CPLANE1: variants seen among roughly 807,000 people sequenced by gnomAD.
CPLANE1 encodes the protein ciliogenesis and planar polarity effector complex subunit 1, also known as ciliogenesis and planar polarity effector 1.
Under a neutral mutation model 362.5 loss-of-function variants are expected in CPLANE1, and 263 were observed. The observed-to-expected ratio is 0.73, with a 90% CI of 0.66 to 0.80. CPLANE1 has a LOEUF of 0.80. Among genes scored for constraint, CPLANE1 ranks in the 30% least tolerant of loss-of-function variants. CPLANE1 has a pLI of 0.00. For synonymous variants in CPLANE1, 1,212 were observed against 1,302.6 expected (o/e 0.93, Z 1.50); for missense variants, 3,461 against 3,793.4 (o/e 0.91, Z 2.30).
the CPLANE1 span, among the ~76,000 whole-genome samples, chr5:37,086,916 G>A: frequency 3.3e-5 from 5 of 152,162 alleles, no homozygotes; most frequent in African/African-American, 7.2e-5. Context: ...GAAGCATGAC[G>A]GACCCCTTGA....
intron 25 of CPLANE1, among the ~76,000 whole-genome samples, 177 bp downstream of exon 25, chr5:37,184,611 T>C (rs984458989): frequency 3.9e-5 from 6 of 152,108 alleles, no homozygotes; most frequent in African/African-American, 1.4e-4. Flanking sequence ...TTTTCGAATG[T>C]ATAGTCTCAT....
intron 34 of CPLANE1, 21 bp from the exon 35 acceptor site, chr5:37,167,234 A>G (rs1778493421): frequency 7.6e-6 from 12 of 1,580,238 alleles, no homozygotes; most frequent in Non-Finnish European, 1.0e-5. Flanking sequence ...GAAACAAAGC[A>G]TAAGAATGAC....
At position 37,170,136 on chromosome 5, in the gene CPLANE1, A is replaced by G. The variant is rs1358431040; in HGVS notation, c.6367T>C (p.Ser2123Pro). The G allele has an allele frequency of 6.2e-7, 1 of 1,613,990 alleles. No homozygotes were observed. Among genetic ancestry groups the G allele is most frequent in the East Asian group, 2.2e-5 (1 of 44,904 alleles). ...GGCTCTCTGGCGTTCTCTCCCATTGACTGTGGTTTAATAAAAAATCTCTCC... is the reference window on the plus strand; with the variant it reads ...GGCTCTCTGGCGTTCTCTCCCATTGGCTGTGGTTTAATAAAAAATCTCTCC... ...LKERFFIKPQ[S>P]MGENAREPRK... Residue 2123 changes from serine (S) to proline (P), a missense_variant, in exon 33 of 53, where the codon TCA (serine) becomes CCA (proline). Ser to Pro is a moderately conservative substitution (Grantham distance 74, BLOSUM62 -1). Coordinates refer to ENST00000651892, the MANE Select transcript of CPLANE1 (RefSeq NM_001384732.1).
rs375764543 is a variant in CPLANE1, at chr5:37,154,240, T to C, written c.8120-247A>G. ...TTACTTTCATCCCTTGCTACAAACA[T>C]ATACTTCATCAAAAAGCAACTTTAA... On this transcript the variant is annotated intron_variant, in intron 41 of 52. Transcript: ENST00000651892. 6.6e-5 allele frequency among the ~76,000 whole-genome samples: 10 copies of C among 152,202 alleles called. No individual in the cohort carries two copies. In the South Asian group the frequency reaches 1.9e-3, roughly 28 times the overall value.
chr5:37,243,577 T>C (rs754099660), intron 5 of CPLANE1, among the ~76,000 whole-genome samples: 54 of 150,808 alleles, frequency 3.6e-4, no homozygotes, highest in African/African-American at 1.3e-3. Context: ...TTCATGAATC[T>C]GTTATTTCCC....
At chr5:37,083,657 C>T in the CPLANE1 span, among the ~76,000 whole-genome samples, 5 of 152,036 alleles carry the variant, frequency 3.3e-5, no homozygotes, top group African/African-American at 7.3e-5. Flanking sequence ...ACAATAAAAT[C>T]GAATAAGTAG....
intron 12 of CPLANE1, among the ~76,000 whole-genome samples, chr5:37,224,966 T>G (rs893953993): frequency 5.8e-4 from 84 of 143,820 alleles, no homozygotes; most frequent in African/African-American, 2.2e-3. Context: ...TTTTTTTTTT[T>G]AAGACACAAG....
At chr5:37,108,598 G>T in intron 51 of CPLANE1, 127 bp from the exon 52 acceptor site, 1 of 865,558 alleles carries the variant, frequency 1.2e-6, no homozygotes, top group Non-Finnish European at 1.7e-6. Context: ...GAATCACAAG[G>T]TCTGGAAATG....
rs139173408 is a variant in CPLANE1, at chr5:37,191,190, T to TA, written c.3812-3349dup. Among the ~76,000 whole-genome samples the TA allele has an allele frequency of 2.1e-3, 309 of 148,758 alleles. 1 individual carries two copies. Among genetic ancestry groups the TA allele is most frequent in the East Asian group, 0.012 (62 of 5,124 alleles). ...GAATATGTTGTGTCTTAGTTTAAAT[T>TA]AAAAAAAAAAGTTTAAACAGTAAAA... On this transcript the variant is annotated intron_variant, in intron 21 of 52. Coordinates refer to ENST00000651892, the MANE Select transcript of CPLANE1 (RefSeq NM_001384732.1).
the CPLANE1 span, among the ~76,000 whole-genome samples, chr5:37,079,832 G>T: frequency 6.6e-6 from 1 of 152,132 alleles, no homozygotes; most frequent in Non-Finnish European, 1.5e-5. Flanking sequence ...CTACAGAAAA[G>T]CAAAGCAAGA....
chr5:37,158,747 A>G (rs939919903), intron 38 of CPLANE1, among the ~76,000 whole-genome samples: 23 of 150,994 alleles, frequency 1.5e-4, no homozygotes, highest in Middle Eastern at 3.4e-3. Context: ...CTTTCTTGTT[A>G]TTTGCTTATT....
intron 44 of CPLANE1, chr5:37,140,618 GA>G: frequency 2.0e-6 from 2 of 985,210 alleles, no homozygotes; most frequent in Non-Finnish European, 2.4e-6. Flanking sequence ...GCCTATTCAC[GA>G]AAAAAAGCTT....
At chr5:37,192,731 G>T (rs1785935237) in intron 21 of CPLANE1, among the ~76,000 whole-genome samples, 1 of 151,294 alleles carries the variant, frequency 6.6e-6, no homozygotes, top group Non-Finnish European at 1.5e-5. Flanking sequence ...GGGTGTGGTG[G>T]CAGGCGCCTG....
chr5:37,140,935 T>C (rs1266721100), intron 44 of CPLANE1: 1 of 985,206 alleles, frequency 1.0e-6, no homozygotes, highest in Non-Finnish European at 1.2e-6. Context: ...CTTCTTCCAA[T>C]GTGGCTCAGG....
chr5:37,079,304 T>C, the CPLANE1 span, among the ~76,000 whole-genome samples: 1 of 152,200 alleles, frequency 6.6e-6, no homozygotes, highest in African/African-American at 2.4e-5. Context: ...ATTGATTAAA[T>C]AGGGAGTCCT....
rs1428034845 is a variant in CPLANE1, at chr5:37,170,145, T to C, written c.6358A>G (p.Lys2120Glu). 1 of 1,614,074 alleles carries C rather than the reference T, an allele frequency of 6.2e-7. No homozygotes were observed. The highest frequency in any genetic ancestry group is 1.3e-5 in the African/African-American group (1 of 74,928). The change falls in exon 33 of 53, where the codon AAA becomes GAA. Residue 2120 changes from lysine to glutamate, a missense_variant. This residue lies in a region of CPLANE1 where 3,380 missense variants were observed against 3,666.1 expected (regional missense o/e 0.92). Coordinates refer to ENST00000651892, the MANE Select transcript of CPLANE1 (RefSeq NM_001384732.1). The stretch of plus-strand genomic sequence containing the variant: ...GCGTTCTCTCCCATTGACTGTGGTT[T>C]AATAAAAAATCTCTCCTTAAGATTT... ...NKNLKERFFIKPQSMGENARE... is the reference protein window; with the variant it reads ...NKNLKERFFIEPQSMGENARE...
chr5:37,244,077 C>T (rs1332774508), intron 5 of CPLANE1, among the ~76,000 whole-genome samples: 1 of 151,768 alleles, frequency 6.6e-6, no homozygotes, highest in Non-Finnish European at 1.5e-5. Context: ...CTTGAACTCT[C>T]GACCTCAGGT....
intron 52 of CPLANE1, 107 bp from the exon 53 acceptor site, chr5:37,107,885 T>C (rs1757986049): frequency 6.9e-7 from 1 of 1,439,660 alleles, no homozygotes; most frequent in East Asian, 2.5e-5. Context: ...ATTCTAGAGT[T>C]GCTCATCCAT....
chr5:37,125,584 G>C lies in CPLANE1; in HGVS notation c.8793-175C>G, dbSNP rs572293280. On this transcript the variant is annotated intron_variant, in intron 46 of 52. Coordinates refer to ENST00000651892, the MANE Select transcript of CPLANE1 (RefSeq NM_001384732.1). ...TTGTTACCTGAACTCCACTGAAAAT[G>C]GACTCAGAAAGCTAACAACTTCTTT... 1.1e-3 allele frequency: 670 copies of C among 591,396 alleles called. 4 individuals are homozygous for C. The African/African-American group carries it at 0.012, about 11-fold the overall frequency. 36.6% of individuals were successfully genotyped at this position (591,396 alleles called of 1,614,324 possible). A position where few individuals can be genotyped will look rare whatever the true frequency, so the allele number is the denominator to read the frequency against.
Sources: allele counts gnomAD v4.1 joint callset (sites outside exome capture counted in the v4.1 genomes callset), GRCh38; gene constraint gnomAD v4.1.1; regional missense constraint gnomAD v4.1.1; transcripts MANE v1.5; gene names NCBI Gene and HGNC (gene_info 2026-07-23, HGNC 2026-07-21).